Variants in SUGCT observed in about 807,000 individuals in gnomAD.
SUGCT encodes the protein succinyl-CoA:glutarate CoA-transferase.
In SUGCT, 41 loss-of-function variants were observed where a neutral mutation model predicts 55.0. That is an observed-to-expected ratio of 0.74 (90% CI 0.58 to 0.97). SUGCT has a LOEUF of 0.97. Ranked by LOEUF, SUGCT falls within the 50% of genes least tolerant of loss-of-function variation. The pLI, the probability that SUGCT is intolerant of heterozygous loss-of-function variation, is 0.00. For synonymous variants in SUGCT, 187 were observed against 200.4 expected, an observed-to-expected ratio of 0.93 and a Z score of 0.56; for missense variants, 568 against 547.8, an observed-to-expected ratio of 1.04 and a Z score of -0.37.
chr7:40,866,162 AATT>A, the SUGCT span, among the ~76,000 whole-genome samples: 1 of 152,152 alleles, frequency 6.6e-6, no homozygotes, highest in Non-Finnish European at 1.5e-5. Flanking sequence ...AAAGAAAAGA[AATT>A]AATGTCAAAC....
At chr7:40,464,604 T>G (rs1790000173) in intron 11 of SUGCT, among the ~76,000 whole-genome samples, 1 of 152,196 alleles carries the variant, frequency 6.6e-6, no homozygotes, top group South Asian at 2.1e-4. Context: ...TGTGGTAAAG[T>G]GGTACACATT....
intron 13 of SUGCT, among the ~76,000 whole-genome samples, chr7:40,803,645 A>G (rs1003394791): frequency 3.3e-5 from 5 of 152,212 alleles, no homozygotes; most frequent in South Asian, 2.1e-4. Context: ...AAAATAATAG[A>G]CACAACTACT....
At chr7:40,406,826 G>T (rs1480557350) in intron 9 of SUGCT, among the ~76,000 whole-genome samples, 2 of 152,008 alleles carry the variant, frequency 1.3e-5, no homozygotes, top group Non-Finnish European at 2.9e-5. Context: ...GGTTTTTTAG[G>T]TGCTCATTCA....
At chr7:40,145,180 A>G (rs545753453) in intron 1 of SUGCT, among the ~76,000 whole-genome samples, 48 of 152,310 alleles carry the variant, frequency 3.2e-4, no homozygotes, top group Admixed American at 2.7e-3. Context: ...AATTTTTTTA[A>G]CCTTTTAATG....
At chr7:40,390,941 G>A (rs1041187558) in intron 9 of SUGCT, among the ~76,000 whole-genome samples, 2 of 152,184 alleles carry the variant, frequency 1.3e-5, no homozygotes, top group Non-Finnish European at 2.9e-5. Flanking sequence ...CAGAGATGTA[G>A]ACCAATGGAA....
chr7:40,276,164 G>A (rs899938529), intron 8 of SUGCT, among the ~76,000 whole-genome samples: 2 of 152,142 alleles, frequency 1.3e-5, no homozygotes, highest in African/African-American at 4.8e-5. Flanking sequence ...CAGTAGCTTC[G>A]AGTCGTGGTC....
At chr7:40,162,729 A>G (rs548029626) in intron 1 of SUGCT, among the ~76,000 whole-genome samples, 1 of 152,088 alleles carries the variant, frequency 6.6e-6, no homozygotes, top group South Asian at 2.1e-4. Flanking sequence ...CTCAAGTGAC[A>G]CTCCCACCTT....
chr7:41,033,924 G>C, the SUGCT span, among the ~76,000 whole-genome samples: 1 of 151,986 alleles, frequency 6.6e-6, no homozygotes, highest in African/African-American at 2.4e-5. Context: ...TGAGGGATAT[G>C]GAAAAGATAA....
chr7:40,872,206 G>A, the SUGCT span, among the ~76,000 whole-genome samples: 2 of 152,074 alleles, frequency 1.3e-5, no homozygotes, highest in Non-Finnish European at 2.9e-5. Context: ...GTGGGAGAGC[G>A]GGTGCCTGAC....
At chr7:40,999,669 C>G in the SUGCT span, among the ~76,000 whole-genome samples, 1 of 152,182 alleles carries the variant, frequency 6.6e-6, no homozygotes, top group East Asian at 1.9e-4. Flanking sequence ...AATGAGATTC[C>G]AGTGGGGCCA....
chr7:40,650,404 T>A (rs1286397957), intron 12 of SUGCT, among the ~76,000 whole-genome samples: 4 of 152,214 alleles, frequency 2.6e-5, no homozygotes, highest in Admixed American at 6.5e-5. Context: ...CATGTTGGTT[T>A]CAGCTCTCTG....
In SUGCT at chr7:40,626,161, C is replaced by T. The variant is rs562390660; in HGVS notation, c.1090-123273C>T. On this transcript the variant is annotated intron_variant, in intron 12 of 13. Transcript: ENST00000335693. The stretch of plus-strand genomic sequence containing the variant: ...CGTTCCTTTATCTAAATGTTCCATT[C>T]TACCTTCCAGCACTCCTTGACTCCT... 3.9e-5 allele frequency among the ~76,000 whole-genome samples: 6 copies of T among 152,276 alleles called. 1 individual carries two copies. In the South Asian group the frequency reaches 1.2e-3, roughly 32 times the overall value.
chr7:40,360,205 G>A (rs1048623887), intron 9 of SUGCT, among the ~76,000 whole-genome samples: 4 of 152,146 alleles, frequency 2.6e-5, no homozygotes, highest in Non-Finnish European at 5.9e-5. Context: ...GTAGAGGCAG[G>A]GTTTTGCCAT....
intron 1 of SUGCT, among the ~76,000 whole-genome samples, chr7:40,166,951 C>T (rs1397192871): frequency 1.3e-5 from 2 of 151,542 alleles, no homozygotes; most frequent in Non-Finnish European, 2.9e-5. Context: ...AACTCTTATA[C>T]AGTGTGGTAT....
At chr7:40,386,732 C>T (rs1332558698) in intron 9 of SUGCT, among the ~76,000 whole-genome samples, 1 of 152,132 alleles carries the variant, frequency 6.6e-6, no homozygotes, top group Non-Finnish European at 1.5e-5. Flanking sequence ...ACTGTTGTCC[C>T]AGGGGTGTGA....
the SUGCT span, among the ~76,000 whole-genome samples, chr7:40,982,022 C>G: frequency 6.6e-6 from 1 of 152,206 alleles, no homozygotes; most frequent in South Asian, 2.1e-4. Flanking sequence ...GCCATTAAAC[C>G]ATCATGTCAT....
At chr7:40,442,879 C>A (rs1009911415) in intron 9 of SUGCT, among the ~76,000 whole-genome samples, 1 of 152,268 alleles carries the variant, frequency 6.6e-6, no homozygotes, top group African/African-American at 2.4e-5. Context: ...CCCTTCCCCC[C>A]ACACCATGAC....
chr7:41,003,154 C>A, the SUGCT span, among the ~76,000 whole-genome samples: 1 of 152,128 alleles, frequency 6.6e-6, no homozygotes, highest in Non-Finnish European at 1.5e-5. Context: ...GTACTTCTCC[C>A]ACCAACCTAC....
chr7:40,302,972 C>T (rs1031873196), intron 8 of SUGCT, among the ~76,000 whole-genome samples: 3 of 152,138 alleles, frequency 2.0e-5, no homozygotes, highest in Admixed American at 6.5e-5. Flanking sequence ...ATAAATACCC[C>T]TTCCCCAAAC....
Sources: allele counts gnomAD v4.1 joint callset (sites outside exome capture counted in the v4.1 genomes callset), GRCh38; gene constraint gnomAD v4.1.1; transcripts MANE v1.5; gene names NCBI Gene and HGNC (gene_info 2026-07-23, HGNC 2026-07-21).